The following ADAP1 variants were observed in gnomAD, a reference collection of about 807,000 sequenced individuals.
ADAP1 encodes the protein ArfGAP with dual PH domains 1.
Under a neutral mutation model 54.9 loss-of-function variants are expected in ADAP1, and 31 were observed. The observed-to-expected ratio is 0.56, with a 90% CI of 0.42 to 0.76. ADAP1 has a LOEUF of 0.76. Among genes scored for constraint, ADAP1 ranks in the 30% least tolerant of loss-of-function variants. The probability of loss-of-function intolerance (pLI) is 0.00; values close to 1 mark genes in which losing one functional copy is unlikely to be tolerated. For missense variants in ADAP1, 535 were observed against 512.4 expected (o/e 1.04, Z -0.42); for synonymous variants, 313 against 202.6 (o/e 1.55, Z -4.63).
chr7:954,363 A>G, intron 1 of ADAP1, 33 bp downstream of exon 1: 5 of 480,940 alleles, frequency 1.0e-5, no homozygotes, highest in Non-Finnish European at 1.4e-5. Context: ...CCCCGGACCC[A>G]CCCGGCCCCG....
intron 1 of ADAP1, among the ~76,000 whole-genome samples, chr7:943,219 A>G (rs1847021497): frequency 5.2e-5 from 1 of 19,118 alleles, no homozygotes; most frequent in African/African-American, 2.9e-4. Context: ...AGGAGGAGGA[A>G]GAGAGAGGAG....
chr7:935,453 C>T lies in ADAP1; in HGVS notation c.135G>A (p.Ser45=). The change falls in exon 2 of 11, where the codon TCG becomes TCA. Residue 45 remains serine, a synonymous_variant. Transcript: ENST00000265846. The part of the protein sequence containing the change: ...TLGVFICLSC[S]GIHRNIPQVS... ...CCTGGGGGATATTCCGGTGGATTCC[C>T]GAGCAGCTCAGGCAGATGAAGACGC... 2.6e-6 allele frequency: 4 copies of T among 1,561,586 alleles called. No individual in the cohort carries two copies. Among genetic ancestry groups the T allele is most frequent in the Non-Finnish European group, 3.5e-6 (4 of 1,152,934 alleles).
intron 4 of ADAP1, among the ~76,000 whole-genome samples, chr7:915,914 C>T (rs903371896): frequency 5.5e-5 from 8 of 145,992 alleles, no homozygotes; most frequent in African/African-American, 1.7e-4. Context: ...ACCCAGAACC[C>T]GCGCCCACTT....
At chr7:905,810 AGGAGAAGGGAGAAGGGAGAAGGGAGAAG>A (rs1174055534) in intron 4 of ADAP1, among the ~76,000 whole-genome samples, 9 of 29,762 alleles carry the variant, frequency 3.0e-4, no homozygotes, top group African/African-American at 4.9e-4. Flanking sequence ...GAAAGGAGAA[AGGAGAAGGGAGAAGGGAGAAGGGAGAAG>A]GGAGAAGGGA....
intron 2 of ADAP1, among the ~76,000 whole-genome samples, chr7:928,704 G>C (rs916486507): frequency 6.6e-6 from 1 of 152,234 alleles, no homozygotes. Flanking sequence ...GTGGCACAGG[G>C]GAGTGAGCTG....
chr7:930,416 A>G (rs866899834), intron 2 of ADAP1, among the ~76,000 whole-genome samples: 244 of 15,900 alleles, frequency 0.015, 2 homozygotes, highest in East Asian at 0.15. Flanking sequence ...GGTGGCTCAC[A>G]CCTGTAATCC....
intron 1 of ADAP1, among the ~76,000 whole-genome samples, chr7:941,576 G>C (rs1173520453): frequency 6.6e-6 from 1 of 152,168 alleles, no homozygotes; most frequent in South Asian, 2.1e-4. Flanking sequence ...GTATGAAAGA[G>C]GGATAAATGT....
chr7:905,105 C>T lies in ADAP1; in HGVS notation c.456G>A (p.Val152=), dbSNP rs1416747784. The T allele has an allele frequency of 1.2e-6, 2 of 1,612,486 alleles. No homozygotes were observed. The highest frequency in any genetic ancestry group is 2.2e-5 in the South Asian group (2 of 91,090). ...TCAGAGCACCCTCTCGTTCTGTCAG[C>T]ACAAACTTCCGGCTCAAAAACTGCC... The part of the protein sequence containing the change: ...DNGQFLSRKF[V]LTEREGALKY... The change falls in exon 5 of 11, where the codon GTG becomes GTA. Residue 152 remains valine, a synonymous_variant. Coordinates refer to ENST00000265846, the MANE Select transcript of ADAP1 (RefSeq NM_006869.4).
intron 4 of ADAP1, 98 bp from the exon 5 acceptor site, chr7:905,270 C>T: frequency 2.0e-6 from 1 of 507,718 alleles, no homozygotes; most frequent in Admixed American, 2.9e-5. Flanking sequence ...GGGGAGAAGA[C>T]ACGGGGGACA....
chr7:905,272 C>CGGGGGACACGGACA (rs1554271600), intron 4 of ADAP1, 100 bp from the exon 5 acceptor site: 3 of 318,772 alleles, frequency 9.4e-6, no homozygotes, highest in Non-Finnish European at 1.6e-5. Context: ...GGAGAAGACA[C>CGGGGGACACGGACA]GGGGGACACG....
intron 2 of ADAP1, among the ~76,000 whole-genome samples, chr7:933,195 C>T (rs535485343): frequency 6.5e-4 from 98 of 151,576 alleles, no homozygotes; most frequent in Non-Finnish European, 1.2e-3. Context: ...TGCTTGAGCC[C>T]GGGAGGTGGA....
intron 4 of ADAP1, among the ~76,000 whole-genome samples, chr7:906,693 AC>A (rs1562915200): frequency 0.01 from 535 of 52,190 alleles, 42 homozygotes; most frequent in East Asian, 0.059. Flanking sequence ...GACACGGGGG[AC>A]ATGGACATGG....
At chr7:944,255 CTTT>C (rs373409871) in intron 1 of ADAP1, among the ~76,000 whole-genome samples, 5 of 135,432 alleles carry the variant, frequency 3.7e-5, no homozygotes, top group Admixed American at 7.4e-5. Context: ...TATTTTTAAC[CTTT>C]TTTTTTTTTT....
chr7:905,879 A>AGGGAGAAGGGAGAAGGG (rs1562913139), intron 4 of ADAP1, among the ~76,000 whole-genome samples: 1 of 21,750 alleles, frequency 4.6e-5, no homozygotes, highest in Non-Finnish European at 1.1e-4. Flanking sequence ...AGAAGGGAGA[A>AGGGAGAAGGGAGAAGGG]AGGAGAAAGG....
chr7:898,596 G>A lies in ADAP1; in HGVS notation c.*325C>T, dbSNP rs907268536. 4.6e-5 allele frequency: 20 copies of A among 435,690 alleles called. No homozygotes were observed. Among genetic ancestry groups the A allele is most frequent in the Middle Eastern group, 6.6e-4 (1 of 1,512 alleles). The allele number at this position is 435,690 out of a possible 1,614,324, so 27.0% of individuals were successfully genotyped here. The stretch of plus-strand genomic sequence containing the variant: ...GGAAGTTCCCACAGCCGTGGTGGGC[G>A]GCTCCTGGGGGCTGTGTCTGAGCTC... On this transcript the variant is annotated 3_prime_UTR_variant, in exon 11 of 11. Transcript: ENST00000265846.
intron 4 of ADAP1, among the ~76,000 whole-genome samples, chr7:911,861 G>A (rs1845737314): frequency 6.6e-6 from 1 of 152,082 alleles, no homozygotes; most frequent in Non-Finnish European, 1.5e-5. Flanking sequence ...GAGGGGCAAT[G>A]GGGCAGCCCT....
chr7:950,135 G>A (rs761595905), intron 1 of ADAP1, among the ~76,000 whole-genome samples: 3 of 152,122 alleles, frequency 2.0e-5, no homozygotes, highest in Non-Finnish European at 4.4e-5. Flanking sequence ...CCCAGCACTC[G>A]CCACAGCATC....
chr7:903,056 A>G (rs1232230350), intron 6 of ADAP1, among the ~76,000 whole-genome samples: 1 of 152,182 alleles, frequency 6.6e-6, no homozygotes, highest in Non-Finnish European at 1.5e-5. Context: ...CAGGAACCAG[A>G]TGAGGCTGCA....
intron 4 of ADAP1, among the ~76,000 whole-genome samples, chr7:918,212 G>A (rs571090300): frequency 1.3e-5 from 2 of 152,174 alleles, no homozygotes; most frequent in East Asian, 3.9e-4. Flanking sequence ...GTGAGCCACC[G>A]TGCCCGACCC....
Sources: allele counts gnomAD v4.1 joint callset (sites outside exome capture counted in the v4.1 genomes callset), GRCh38; gene constraint gnomAD v4.1.1; transcripts MANE v1.5; gene names NCBI Gene and HGNC (gene_info 2026-07-23, HGNC 2026-07-21).